Variants in ANK3 observed in about 807,000 individuals in gnomAD.
The protein encoded by ANK3 is ankyrin 3, also known as ankyrin-3.
Under a neutral mutation model 370.9 loss-of-function variants are expected in ANK3, and 57 were observed. The ratio of observed to expected loss-of-function variants is 0.15; its 90% CI spans 0.12 to 0.19. The LOEUF (loss-of-function observed/expected upper bound fraction) is 0.19, where lower values mean the gene tolerates loss of function less well. ANK3 is among the 10% of genes least tolerant of loss of function. The pLI is 1.00. For synonymous variants in ANK3, 1,929 were observed against 1,946.3 expected, an observed-to-expected ratio of 0.99 and a Z score of 0.23; for missense variants, 4,439 against 5,302.1, an observed-to-expected ratio of 0.84 and a Z score of 5.06.
At chr10:60,116,245 C>G (rs1199521650) in intron 25 of ANK3, among the ~76,000 whole-genome samples, 1 of 152,080 alleles carries the variant, frequency 6.6e-6, no homozygotes, top group East Asian at 1.9e-4. Flanking sequence ...CTCCCAGACA[C>G]AGCTGGGGAC....
chr10:60,572,753 A>G, intron 2 of ANK3: 1 of 1,314,338 alleles, frequency 7.6e-7, no homozygotes, highest in East Asian at 2.9e-5. Flanking sequence ...TGTTCTCTAT[A>G]TCAAACAGTC....
At chr10:60,496,042 T>C (rs1216279009) in intron 2 of ANK3, among the ~76,000 whole-genome samples, 1 of 152,102 alleles carries the variant, frequency 6.6e-6, no homozygotes, top group Non-Finnish European at 1.5e-5. Flanking sequence ...TTCTAATTTA[T>C]ATAGCTAGGG....
At chr10:60,319,917 C>T (rs1429151496) in intron 1 of ANK3, among the ~76,000 whole-genome samples, 1 of 152,196 alleles carries the variant, frequency 6.6e-6, no homozygotes, top group African/African-American at 2.4e-5. Flanking sequence ...ACATTCCAGA[C>T]AAGAGTTTCT....
intron 1 of ANK3, among the ~76,000 whole-genome samples, chr10:60,677,388 A>G (rs1286047264): frequency 6.6e-6 from 1 of 152,218 alleles, no homozygotes; most frequent in African/African-American, 2.4e-5. Flanking sequence ...AAATCAGTAC[A>G]TGCTACTGCC....
At chr10:60,644,301 G>T (rs1376588231) in intron 1 of ANK3, among the ~76,000 whole-genome samples, 2 of 152,006 alleles carry the variant, frequency 1.3e-5, no homozygotes, top group African/African-American at 4.8e-5. Flanking sequence ...AATATACAAG[G>T]TAGATTCCAC....
At chr10:60,429,837 T>C (rs977424257) in intron 2 of ANK3, among the ~76,000 whole-genome samples, 1 of 152,232 alleles carries the variant, frequency 6.6e-6, no homozygotes, top group African/African-American at 2.4e-5. Flanking sequence ...ATTAACAGTA[T>C]ATATTATTCA....
Position 60,530,801 on chromosome 10 carries a change from T to C in ANK3, c.96+84385A>G, listed in dbSNP as rs536309436. Among the ~76,000 whole-genome samples the C allele has an allele frequency of 2.0e-3, 308 of 152,162 alleles. 1 individual carries two copies. Among genetic ancestry groups the C allele is most frequent in the African/African-American group, 7.0e-3 (290 of 41,530 alleles). On this transcript the variant is annotated intron_variant, in intron 2 of 43. Coordinates refer to the ANK3 transcript ENST00000373827. ...CTTAATTTCTCAGAGCCGGATGCTG[T>C]TTTGTGTGGTGGATGTGGGGGTTGG...
chr10:60,724,274 C>T (rs1483688104), intron 1 of ANK3, among the ~76,000 whole-genome samples: 2 of 151,004 alleles, frequency 1.3e-5, no homozygotes, highest in African/African-American at 2.4e-5. Context: ...GAACATAGCC[C>T]TGCTGATCTA....
intron 1 of ANK3, among the ~76,000 whole-genome samples, chr10:60,673,615 G>T (rs1222129921): frequency 1.3e-5 from 2 of 152,120 alleles, no homozygotes; most frequent in Non-Finnish European, 2.9e-5. Context: ...GCCTCCCAAG[G>T]TGCTGGGATT....
chr10:60,277,697 C>T (rs1467799138), intron 4 of ANK3, among the ~76,000 whole-genome samples: 1 of 152,166 alleles, frequency 6.6e-6, no homozygotes, highest in Non-Finnish European at 1.5e-5. Context: ...GCCATGTACC[C>T]ACAGCTCAGC....
chr10:60,337,903 G>A (rs1166162337), intron 1 of ANK3, among the ~76,000 whole-genome samples: 1 of 152,174 alleles, frequency 6.6e-6, no homozygotes, highest in Non-Finnish European at 1.5e-5. Flanking sequence ...CAGTGAAGAA[G>A]CATTGAATTT....
chr10:60,099,909 T>G (rs2090871136), intron 28 of ANK3, among the ~76,000 whole-genome samples: 1 of 150,122 alleles, frequency 6.7e-6, no homozygotes, highest in Admixed American at 6.6e-5. Context: ...CCTGCTTCAC[T>G]GCCCTCAGAG....
chr10:60,571,052 C>A (rs2077583959), intron 2 of ANK3, among the ~76,000 whole-genome samples: 1 of 116,900 alleles, frequency 8.6e-6, no homozygotes, highest in Admixed American at 1.1e-4. Flanking sequence ...GCAAACCTGA[C>A]AGGTTTTTTT....
intron 8 of ANK3, among the ~76,000 whole-genome samples, chr10:60,223,295 T>C (rs990728677): frequency 6.6e-6 from 1 of 152,230 alleles, no homozygotes; most frequent in Non-Finnish European, 1.5e-5. Context: ...TTTACTGACC[T>C]CAACCCTACT....
chr10:60,174,496 C>A (rs2095873241), intron 18 of ANK3, among the ~76,000 whole-genome samples: 1 of 150,772 alleles, frequency 6.6e-6, no homozygotes, highest in East Asian at 2.0e-4. Context: ...ATAAGGGAAG[C>A]TTGAAAATAA....
At chr10:60,124,591 G>T (rs555433496) in intron 25 of ANK3, among the ~76,000 whole-genome samples, 2 of 152,334 alleles carry the variant, frequency 1.3e-5, no homozygotes, top group South Asian at 4.1e-4. Context: ...GGAGAAGTCA[G>T]AGCTGCCTGC....
chr10:60,308,730 C>A (rs1045285619), intron 1 of ANK3, among the ~76,000 whole-genome samples: 1 of 152,036 alleles, frequency 6.6e-6, no homozygotes. Context: ...CAAAACCCAG[C>A]GATACACTGT....
At chr10:60,250,950 A>G (rs1565996220) in intron 7 of ANK3, among the ~76,000 whole-genome samples, 1 of 152,176 alleles carries the variant, frequency 6.6e-6, no homozygotes, top group African/African-American at 2.4e-5. Flanking sequence ...GCCCAAACAC[A>G]CATTGCCTTT....
At position 60,069,504 on chromosome 10, in the gene ANK3, C is replaced by A; in HGVS notation, c.11377G>T (p.Asp3793Tyr). ...TTATCTGTCTGTATAGTGGAAGAAT[C>A]CAAATTGTTGTTGTTATTAAAGTTA... ...KDNFNNNNNL[D>Y]SSTIQTDNIM... The change falls in exon 37 of 44, where the codon GAT becomes TAT. Residue 3793 changes from aspartate (D) to tyrosine (Y), a missense_variant. Transcript: ENST00000280772. 1 of 1,613,776 alleles carries A rather than the reference C, an allele frequency of 6.2e-7. No individual in the cohort carries two copies. The highest frequency in any genetic ancestry group is 8.5e-7 in the Non-Finnish European group (1 of 1,179,928).
Sources: allele counts gnomAD v4.1 joint callset (sites outside exome capture counted in the v4.1 genomes callset), GRCh38; gene constraint gnomAD v4.1.1; transcripts MANE v1.5; gene names NCBI Gene and HGNC (gene_info 2026-07-23, HGNC 2026-07-21).